The following DMAC2L variants were observed in gnomAD, a reference collection of about 807,000 sequenced individuals.
The protein encoded by DMAC2L is distal membrane arm assembly component 2 like, also known as ATP synthase subunit s, mitochondrial.
In DMAC2L, 21 loss-of-function variants were observed where a neutral mutation model predicts 22.5. That is an observed-to-expected ratio of 0.93 (90% CI 0.66 to 1.34). The LOEUF (loss-of-function observed/expected upper bound fraction) is 1.34, where lower values mean the gene tolerates loss of function less well. Ranked by LOEUF, DMAC2L falls within the 40% of genes most tolerant of loss-of-function variation. The pLI, the probability that DMAC2L is intolerant of heterozygous loss-of-function variation, is 0.00. For missense variants in DMAC2L, 239 were observed against 246.5 expected (o/e 0.97, Z 0.20); for synonymous variants, 86 against 89.5 (o/e 0.96, Z 0.22).
intron 1 of DMAC2L, among the ~76,000 whole-genome samples, chr14:50,314,356 C>T (rs1012984518): frequency 5.9e-5 from 9 of 152,210 alleles, no homozygotes; most frequent in South Asian, 2.1e-4. Flanking sequence ...TTGCCTTCCA[C>T]CATGATTGTG....
At position 50,325,846 on chromosome 14, in the gene DMAC2L, G is replaced by A. The variant is rs1165070640; in HGVS notation, c.*123G>A. On this transcript the variant is annotated 3_prime_UTR_variant, in exon 6 of 6. Transcript: ENST00000557421. ...CATATCATGACATTTTAGAAGTGGAGAGTGCATCATATGTAGAAAATAAAT... is the reference window on the plus strand; with the variant it reads ...CATATCATGACATTTTAGAAGTGGAAAGTGCATCATATGTAGAAAATAAAT... 1.2e-5 allele frequency: 17 copies of A among 1,413,446 alleles called. No individual in the cohort carries two copies. Among genetic ancestry groups the A allele is most frequent in the Non-Finnish European group, 1.6e-5 (17 of 1,084,094 alleles). The allele number at this position is 1,413,446 out of a possible 1,614,324, so 87.6% of individuals were successfully genotyped here.
chr14:50,325,978 C>G lies in DMAC2L; in HGVS notation c.*255C>G. 2 of 1,071,876 alleles carry G rather than the reference C, an allele frequency of 1.9e-6. No individual in the cohort carries two copies. Among genetic ancestry groups the G allele is most frequent in the African/African-American group, 3.4e-5 (2 of 59,232 alleles). 66.4% of individuals were successfully genotyped at this position (1,071,876 alleles called of 1,614,324 possible). A position where few individuals can be genotyped will look rare whatever the true frequency, so the allele number is the denominator to read the frequency against. On this transcript the variant is annotated 3_prime_UTR_variant, in exon 6 of 6. Transcript: ENST00000557421. ...GGCGCAGTGGCTCATGCCTGTAATC[C>G]TAGCACTTTGGGAGGCCAAAGCGGG... is the stretch of plus-strand genomic sequence containing the variant.
chr14:50,323,974 C>G lies in DMAC2L; in HGVS notation c.346C>G (p.Leu116Val). Residue 116 changes from leucine (L) to valine (V), a missense_variant, in exon 5 of 6, where the codon CTG becomes GTG. By Grantham distance (32) the Leu-to-Val change is conservative. Coordinates refer to ENST00000557421, the MANE Select transcript of DMAC2L (RefSeq NM_001382507.1). ...CCTAGAGCATGTTGAAAAAATAAGG[C>G]TGTGCAAGTGTCATTATATCGAGGA... Reference protein sequence around the residue: ...EGLEHVEKIRLCKCHYIEDDC... With the variant: ...EGLEHVEKIRVCKCHYIEDDC... The G allele has an allele frequency of 6.2e-7, 1 of 1,612,404 alleles. No homozygotes were observed. The highest frequency in any genetic ancestry group is 8.5e-7 in the Non-Finnish European group (1 of 1,179,404).
rs2031287519 is a variant in DMAC2L at position 50,312,327 on chromosome 14, C to G, written c.-104C>G. ...GGCGCGCGCGTCGGAGGGCGAAGGG[C>G]CGGCCAGGGTGCCGCAGACGCGGGG... On this transcript the variant is annotated 5_prime_UTR_variant, in exon 1 of 6. Coordinates refer to ENST00000557421, the MANE Select transcript of DMAC2L (RefSeq NM_001382507.1). 2.3e-6 allele frequency: 2 copies of G among 875,406 alleles called. No individual in the cohort carries two copies. Among genetic ancestry groups the G allele is most frequent in the South Asian group, 1.7e-5 (1 of 60,380 alleles). 54.2% of individuals were successfully genotyped at this position (875,406 alleles called of 1,614,324 possible). A position where few individuals can be genotyped will look rare whatever the true frequency, so the allele number is the denominator to read the frequency against.
Position 50,327,459 on chromosome 14 carries a change from C to CTTTTTTT in DMAC2L, c.*1754_*1760dup, listed in dbSNP as rs555068519. On this transcript the variant is annotated 3_prime_UTR_variant, in exon 6 of 6. Coordinates refer to ENST00000557421, the MANE Select transcript of DMAC2L (RefSeq NM_001382507.1). ...TAGATTTCTGTGTGTTTGATTTGAA[C>CTTTTTTT]TTTTTTTTTTTTTTTTTTTTTTTTG... 1 of 77,336 alleles carries CTTTTTTT rather than the reference C, an allele frequency of 1.3e-5. No homozygotes were observed. The allele number at this position is 77,336 out of a possible 1,614,324, so 4.8% of individuals were successfully genotyped here.
chr14:50,312,673 C>A, intron 1 of DMAC2L: 1 of 337,790 alleles, frequency 3.0e-6, no homozygotes, highest in Non-Finnish European at 5.4e-6. Context: ...CGCTCGGCCC[C>A]GCACGCGGCC....
Position 50,312,358 on chromosome 14 carries a change from G to T in DMAC2L, c.-73G>T, listed in dbSNP as rs2031293841. The T allele has an allele frequency of 1.5e-6, 1 of 659,746 alleles. No individual in the cohort carries two copies. The highest frequency in any genetic ancestry group is 2.8e-5 in the East Asian group (1 of 36,156). 40.9% of individuals were successfully genotyped at this position (659,746 alleles called of 1,614,324 possible). A position where few individuals can be genotyped will look rare whatever the true frequency, so the allele number is the denominator to read the frequency against. On this transcript the variant is annotated 5_prime_UTR_variant, in exon 1 of 6. Coordinates refer to ENST00000557421, the MANE Select transcript of DMAC2L (RefSeq NM_001382507.1). ...AGGGTGCCGCAGACGCGGGGACGCT[G>T]GCTCGCTCCCTCCCTCCCTCCCTCC...
chr14:50,325,478 T>A (rs974379913), intron 5 of DMAC2L, 131 bp from the exon 6 acceptor site: 1 of 1,122,594 alleles, frequency 8.9e-7, no homozygotes, highest in Admixed American at 3.2e-5. Context: ...GCTACTGCTC[T>A]AAAAGTAATT....
intron 5 of DMAC2L, 96 bp downstream of exon 5, chr14:50,324,212 C>A: frequency 7.7e-7 from 1 of 1,291,560 alleles, no homozygotes; most frequent in Non-Finnish European, 1.0e-6. Flanking sequence ...TTTTTTAGTT[C>A]TAAAAAAGAT....
Position 50,312,374 on chromosome 14 carries a change from C to A in DMAC2L, c.-57C>A. 1.6e-6 allele frequency: 1 copy of A among 612,022 alleles called. No homozygotes were observed. The highest frequency in any genetic ancestry group is 4.5e-4 in the Middle Eastern group (1 of 2,242). 37.9% of individuals were successfully genotyped at this position (612,022 alleles called of 1,614,324 possible). A position where few individuals can be genotyped will look rare whatever the true frequency, so the allele number is the denominator to read the frequency against. ...GGGGACGCTGGCTCGCTCCCTCCCT[C>A]CCTCCCTCCGACGCTGTGAGTAGAG... On this transcript the variant is annotated 5_prime_UTR_variant, in exon 1 of 6. Coordinates refer to ENST00000557421, the MANE Select transcript of DMAC2L (RefSeq NM_001382507.1).
intron 3 of DMAC2L, 132 bp from the exon 4 acceptor site, chr14:50,322,379 C>A: frequency 1.1e-6 from 1 of 899,880 alleles, no homozygotes; most frequent in Non-Finnish European, 1.5e-6. Context: ...GCATGGATCT[C>A]ACTAATTTAT....
intron 4 of DMAC2L, chr14:50,322,969 C>A: frequency 7.3e-7 from 1 of 1,363,808 alleles, no homozygotes. Flanking sequence ...ACTTAAAATC[C>A]AGGGCCTTGT....
chr14:50,319,223 G>A, intron 2 of DMAC2L: 1 of 1,534,202 alleles, frequency 6.5e-7, no homozygotes, highest in Non-Finnish European at 8.7e-7. Context: ...AAGTTGGAAA[G>A]GGTTGAGAAC....
At chr14:50,315,959 T>G (rs1159948503) in intron 2 of DMAC2L, among the ~76,000 whole-genome samples, 1 of 152,238 alleles carries the variant, frequency 6.6e-6, no homozygotes, top group African/African-American at 2.4e-5. Flanking sequence ...GTAGTTCTAA[T>G]TTTAGTTATT....
At chr14:50,315,856 C>T (rs1595186129) in intron 2 of DMAC2L, among the ~76,000 whole-genome samples, 1 of 151,186 alleles carries the variant, frequency 6.6e-6, no homozygotes, top group African/African-American at 2.4e-5. Flanking sequence ...GCAAATTGTG[C>T]TGCTATAAAC....
chr14:50,325,805 A>T lies in DMAC2L; in HGVS notation c.*82A>T. 3 of 1,498,216 alleles carry T rather than the reference A, an allele frequency of 2.0e-6. No individual in the cohort carries two copies. The South Asian group carries it at 4.0e-5, about 20-fold the overall frequency. The allele number at this position is 1,498,216 out of a possible 1,614,324, so 92.8% of individuals were successfully genotyped here. On this transcript the variant is annotated 3_prime_UTR_variant, in exon 6 of 6. Transcript: ENST00000557421. ...CAACTAATATTATATAGTCATCAGT[A>T]GAATTATAAGGATGCCATATCATGA...
intron 3 of DMAC2L, among the ~76,000 whole-genome samples, chr14:50,322,244 CGTT>C (rs1282483804): frequency 6.6e-6 from 1 of 152,140 alleles, no homozygotes; most frequent in Non-Finnish European, 1.5e-5. Context: ...ATCAATGAAA[CGTT>C]GTGTCTGATA....
At chr14:50,315,739 A>T (rs1426404871) in intron 2 of DMAC2L, among the ~76,000 whole-genome samples, 5 of 150,986 alleles carry the variant, frequency 3.3e-5, no homozygotes, top group African/African-American at 9.7e-5. Flanking sequence ...CCATTAATTC[A>T]TTCCCTTTTA....
Position 50,323,117 on chromosome 14 carries a change from G to C in DMAC2L, c.316+398G>C, listed in dbSNP as rs979492567. On this transcript the variant is annotated intron_variant, in intron 4 of 5. Coordinates refer to ENST00000557421, the MANE Select transcript of DMAC2L (RefSeq NM_001382507.1). ...TTTTTTTTTTTTGAGACAGAGTCTT[G>C]CTCTGTCGCCTAGGCTGGAGTGCAG... is the stretch of plus-strand genomic sequence containing the variant. The C allele has an allele frequency of 3.7e-6, 3 of 814,196 alleles. No individual in the cohort carries two copies. In the African/African-American group the frequency reaches 6.0e-5, roughly 16 times the overall value. 50.4% of individuals were successfully genotyped at this position (814,196 alleles called of 1,614,324 possible). A position where few individuals can be genotyped will look rare whatever the true frequency, so the allele number is the denominator to read the frequency against.
Sources: allele counts gnomAD v4.1 joint callset (sites outside exome capture counted in the v4.1 genomes callset), GRCh38; gene constraint gnomAD v4.1.1; transcripts MANE v1.5; gene names NCBI Gene and HGNC (gene_info 2026-07-23, HGNC 2026-07-21).